The following LIX1 variants were observed in gnomAD, a reference collection of about 807,000 sequenced individuals.
LIX1 encodes the protein protein limb expression 1 homolog.
A neutral mutation model predicts 33.4 loss-of-function variants in LIX1; 24 were observed. That is an observed-to-expected ratio of 0.72 (90% confidence interval 0.52 to 1.01). LIX1 has a LOEUF of 1.01. Ranked by LOEUF, LIX1 falls within the 50% of genes least tolerant of loss-of-function variation. LIX1 has a pLI of 0.00. For missense variants in LIX1, 311 were observed against 339.2 expected, an observed-to-expected ratio of 0.92 and a Z score of 0.65; for synonymous variants, 124 against 124.0, an observed-to-expected ratio of 1.00 and a Z score of 0.00.
chr5:97,103,844 A>G (rs1311129801), intron 4 of LIX1, among the ~76,000 whole-genome samples: 2 of 152,058 alleles, frequency 1.3e-5, no homozygotes, highest in Non-Finnish European at 2.9e-5. Context: ...GGGCGCCTGT[A>G]GTCCCAGCTA....
intron 1 of LIX1, among the ~76,000 whole-genome samples, chr5:97,132,534 T>C (rs1482498898): frequency 1.3e-5 from 2 of 151,570 alleles, no homozygotes; most frequent in Admixed American, 6.6e-5. Flanking sequence ...TAGGGAGCAA[T>C]AGGAAAGAGT....
intron 2 of LIX1, among the ~76,000 whole-genome samples, chr5:97,115,927 C>A (rs1233093340): frequency 6.6e-6 from 1 of 152,162 alleles, no homozygotes; most frequent in Non-Finnish European, 1.5e-5. Context: ...AAAGCTGGGA[C>A]TTTGCAGGTG....
At chr5:97,139,556 C>T (rs182489911) in intron 1 of LIX1, among the ~76,000 whole-genome samples, 10 of 152,242 alleles carry the variant, frequency 6.6e-5, no homozygotes, top group Non-Finnish European at 1.2e-4. Context: ...ACACATGAAA[C>T]GAAATTGGAT....
At position 97,142,434 on chromosome 5, in the gene LIX1, G is replaced by A. The variant is rs1748308902; in HGVS notation, c.82+61C>T. Reference sequence around the variant, plus strand: ...GAGAAATCTTACTTAAATAGGATGTGACTTGACGTTTAGGACTATTTTCTA... The same window carrying A: ...GAGAAATCTTACTTAAATAGGATGTAACTTGACGTTTAGGACTATTTTCTA... On this transcript the variant is annotated intron_variant, in intron 1 of 5. Coordinates refer to ENST00000274382, the MANE Select transcript of LIX1 (RefSeq NM_153234.5). 5.3e-6 allele frequency: 6 copies of A among 1,129,678 alleles called. No individual in the cohort carries two copies. The South Asian group carries it at 6.3e-5, about 12-fold the overall frequency. The allele number at this position is 1,129,678 out of a possible 1,614,324, so 70.0% of individuals were successfully genotyped here.
At position 97,103,719 on chromosome 5, in the gene LIX1, A is replaced by T. The variant is rs535523272; in HGVS notation, c.483+1471T>A. Reference sequence around the variant, plus strand: ...GGTGGCTCACACCTGTAATCCTAGCACTTTGGGAGGCCAAGGCGGGCAGAT... The same window carrying T: ...GGTGGCTCACACCTGTAATCCTAGCTCTTTGGGAGGCCAAGGCGGGCAGAT... On this transcript the variant is annotated intron_variant, in intron 4 of 5. Transcript: ENST00000274382. Among the ~76,000 whole-genome samples the T allele has an allele frequency of 2.0e-5, 3 of 152,300 alleles. No individual in the cohort carries two copies. The South Asian group carries it at 6.2e-4, about 32-fold the overall frequency.
intron 2 of LIX1, among the ~76,000 whole-genome samples, chr5:97,110,687 G>A (rs1359129070): frequency 3.3e-5 from 5 of 152,116 alleles, no homozygotes; most frequent in East Asian, 1.9e-4. Flanking sequence ...CAGGTGATCC[G>A]CCCGCCTTGG....
At chr5:97,129,618 A>G (rs1317472952) in intron 1 of LIX1, among the ~76,000 whole-genome samples, 2 of 152,148 alleles carry the variant, frequency 1.3e-5, no homozygotes, top group Non-Finnish European at 2.9e-5. Context: ...AGGATTTTTA[A>G]CCTAGTTTTG....
At chr5:97,123,458 T>C (rs1286152201) in intron 2 of LIX1, among the ~76,000 whole-genome samples, 1 of 152,200 alleles carries the variant, frequency 6.6e-6, no homozygotes, top group Non-Finnish European at 1.5e-5. Context: ...TGAAAGTATC[T>C]TCCCAACTTT....
intron 2 of LIX1, among the ~76,000 whole-genome samples, chr5:97,107,956 C>G (rs1747146927): frequency 6.6e-6 from 1 of 152,170 alleles, no homozygotes; most frequent in African/African-American, 2.4e-5. Flanking sequence ...GCTTTCAGCT[C>G]TGGCATTTAC....
rs192678094 is a variant in LIX1, at chr5:97,102,944, A to G, written c.483+2246T>C. ...GAAATTCCTGCTTAGGGGAAGCATT[A>G]TGCCAGATGCTTTATAAATGTTACA... On this transcript the variant is annotated intron_variant, in intron 4 of 5. Transcript: ENST00000274382. 5.8e-4 allele frequency: 229 copies of G among 394,844 alleles called. 1 individual carries two copies. The highest frequency in any genetic ancestry group is 7.4e-4 in the Non-Finnish European group (151 of 203,338). The allele number at this position is 394,844 out of a possible 1,614,324, so 24.5% of individuals were successfully genotyped here.
intron 2 of LIX1, among the ~76,000 whole-genome samples, chr5:97,119,524 G>T (rs945746159): frequency 3.3e-5 from 5 of 152,106 alleles, no homozygotes; most frequent in African/African-American, 1.2e-4. Context: ...GGGTGAAGGG[G>T]CCAGATTTGG....
intron 1 of LIX1, among the ~76,000 whole-genome samples, chr5:97,138,619 T>G (rs1322734836): frequency 1.3e-5 from 2 of 152,358 alleles, no homozygotes; most frequent in East Asian, 3.8e-4. Context: ...CACATGGTTC[T>G]TGTATTGCCC....
chr5:97,104,634 A>G (rs1746916227), intron 4 of LIX1, among the ~76,000 whole-genome samples: 1 of 152,214 alleles, frequency 6.6e-6, no homozygotes, highest in South Asian at 2.1e-4. Flanking sequence ...TTACTAATAT[A>G]TTTTAGAAAT....
intron 2 of LIX1, among the ~76,000 whole-genome samples, chr5:97,121,403 T>C (rs1468836461): frequency 6.6e-6 from 1 of 152,162 alleles, no homozygotes; most frequent in African/African-American, 2.4e-5. Flanking sequence ...TCTAGAGCTC[T>C]TACTAAATTG....
chr5:97,132,587 G>A (rs1227899290), intron 1 of LIX1, among the ~76,000 whole-genome samples: 1 of 151,960 alleles, frequency 6.6e-6, no homozygotes, highest in Non-Finnish European at 1.5e-5. Context: ...CAGGGTGAGA[G>A]GACTTAGCTT....
intron 2 of LIX1, among the ~76,000 whole-genome samples, chr5:97,110,043 A>T (rs926475689): frequency 6.6e-6 from 1 of 152,260 alleles, no homozygotes; most frequent in Non-Finnish European, 1.5e-5. Context: ...TGCTATAAAC[A>T]TGAGTGTGCA....
chr5:97,111,346 C>T (rs1747385277), intron 2 of LIX1, among the ~76,000 whole-genome samples: 2 of 151,912 alleles, frequency 1.3e-5, no homozygotes, highest in Non-Finnish European at 2.9e-5. Flanking sequence ...TTTAAATGAG[C>T]GCAATTTCAA....
chr5:97,116,250 C>T (rs965964864), intron 2 of LIX1, among the ~76,000 whole-genome samples: 1 of 152,130 alleles, frequency 6.6e-6, no homozygotes, highest in African/African-American at 2.4e-5. Flanking sequence ...GCATGTGTTC[C>T]AATTTATCTA....
At position 97,111,347 on chromosome 5, in the gene LIX1, G is replaced by A. The variant is rs75568157; in HGVS notation, c.247-3847C>T. ...TACTTTTTATTTTTTTTAAATGAGCGCAATTTCAATAAACCGTCTATGGTA... is the reference window on the plus strand; with the variant it reads ...TACTTTTTATTTTTTTTAAATGAGCACAATTTCAATAAACCGTCTATGGTA... On this transcript the variant is annotated intron_variant, in intron 2 of 5. Transcript: ENST00000274382. Among the ~76,000 whole-genome samples, 1,422 of 152,090 alleles carry A rather than the reference G, an allele frequency of 9.3e-3. 28 individuals are homozygous for A. The highest frequency in any genetic ancestry group is 0.033 in the African/African-American group (1,358 of 41,474).
Sources: gnomAD v4.1 joint callset for allele counts (sites outside exome capture counted in the v4.1 genomes callset) on GRCh38, gnomAD v4.1.1 for gene constraint, MANE v1.5 for transcripts, NCBI Gene and HGNC (gene_info 2026-07-23, HGNC 2026-07-21) for gene names.